The following NCAPD3 variants were observed in gnomAD, a reference collection of about 807,000 sequenced individuals.
NCAPD3 encodes condensin-2 complex subunit D3.
A neutral mutation model predicts 182.9 loss-of-function variants in NCAPD3; 105 were observed. The ratio of observed to expected loss-of-function variants is 0.57; its 90% CI spans 0.49 to 0.68. The LOEUF (loss-of-function observed/expected upper bound fraction) is 0.68, where lower values mean the gene tolerates loss of function less well. NCAPD3 is among the 30% of genes least tolerant of loss of function. NCAPD3 has a pLI of 0.00. For missense variants in NCAPD3, 1,944 were observed against 1,837.0 expected, an observed-to-expected ratio of 1.06 and a Z score of -1.07; for synonymous variants, 815 against 679.9, an observed-to-expected ratio of 1.20 and a Z score of -3.09.
chr11:134,214,460 G>C (rs1456660490), intron 3 of NCAPD3, among the ~76,000 whole-genome samples: 1 of 152,100 alleles, frequency 6.6e-6, no homozygotes, highest in Non-Finnish European at 1.5e-5. Context: ...TAGAAACAAA[G>C]AAATGCATGT....
chr11:134,206,496 C>G, intron 8 of NCAPD3, 103 bp downstream of exon 8: 1 of 1,479,900 alleles, frequency 6.8e-7, no homozygotes, highest in Non-Finnish European at 9.2e-7. Flanking sequence ...AAACCACCAT[C>G]AGGCCAGAAA....
chr11:134,171,547 T>C (rs1404807580), intron 24 of NCAPD3, among the ~76,000 whole-genome samples: 1 of 152,192 alleles, frequency 6.6e-6, no homozygotes, highest in Non-Finnish European at 1.5e-5. Flanking sequence ...ACAACACATC[T>C]ATCTCAGGTT....
intron 27 of NCAPD3, among the ~76,000 whole-genome samples, chr11:134,165,463 ATGAGATGAG>A (rs1943748542): frequency 7.3e-6 from 1 of 136,328 alleles, no homozygotes; most frequent in African/African-American, 2.8e-5. Context: ...TGGCACACTC[ATGAGATGAG>A]CTTGGGGGAG....
In NCAPD3 at chr11:134,203,675, T is replaced by C. The variant is rs550384689; in HGVS notation, c.1447A>G (p.Ile483Val). Reference sequence around the variant, plus strand: ...TCACTGTTAATCAGGAGCTCCAGGATACTCTCCGACGCACTGGTAACAGTC... The same window carrying C: ...TCACTGTTAATCAGGAGCTCCAGGACACTCTCCGACGCACTGGTAACAGTC... ...ELTVTSASES[I>V]LELLINSPTF... The change falls in exon 11 of 35, where the codon ATC becomes GTC. Residue 483 changes from isoleucine to valine, a missense_variant. Physicochemically the swap from Ile to Val is conservative, Grantham distance 29 (BLOSUM62 3). Around this residue, in one of 3 missense-constraint regions of NCAPD3, gnomAD observed 1,803 missense variants for 1,674.6 expected, o/e 1.08. Transcript: ENST00000534548. The C allele has an allele frequency of 2.5e-5, 40 of 1,613,466 alleles. No homozygotes were observed. The South Asian group carries it at 4.1e-4, about 16-fold the overall frequency.
intron 20 of NCAPD3, among the ~76,000 whole-genome samples, chr11:134,180,638 T>C (rs968216750): frequency 6.6e-6 from 1 of 152,244 alleles, no homozygotes; most frequent in Non-Finnish European, 1.5e-5. Context: ...CAGTCATTAC[T>C]TGGCAATTGC....
At chr11:134,167,171 G>A (rs1370155550) in intron 27 of NCAPD3, among the ~76,000 whole-genome samples, 1 of 135,388 alleles carries the variant, frequency 7.4e-6, no homozygotes, top group Non-Finnish European at 1.6e-5. Context: ...GGTGAGCTTG[G>A]GGGAGGCGCA....
intron 13 of NCAPD3, 48 bp downstream of exon 13, chr11:134,202,768 T>C (rs763568181): frequency 1.4e-6 from 2 of 1,400,478 alleles, no homozygotes; most frequent in South Asian, 1.3e-5. Flanking sequence ...TACGGTTGTC[T>C]GAAATCCAGC....
intron 1 of NCAPD3, among the ~76,000 whole-genome samples, chr11:134,222,914 C>T (rs1318065530): frequency 6.6e-6 from 1 of 152,214 alleles, no homozygotes; most frequent in Non-Finnish European, 1.5e-5. Context: ...TTTACAAAAA[C>T]CCCTGTGAGG....
intron 17 of NCAPD3, 66 bp downstream of exon 17, chr11:134,185,269 T>C: frequency 7.1e-7 from 1 of 1,407,236 alleles, no homozygotes; most frequent in Non-Finnish European, 9.5e-7. Context: ...GCTCACTTCC[T>C]TAAGTCTTGG....
rs1055280693 is a variant in NCAPD3 at position 134,204,064 on chromosome 11, T to C, written c.1197A>G (p.Lys399=). 6.2e-7 allele frequency: 1 copy of C among 1,614,134 alleles called. No homozygotes were observed. Among genetic ancestry groups the C allele is most frequent in the Admixed American group, 1.7e-5 (1 of 60,020 alleles). Residue 399 remains lysine (K), a synonymous_variant, in exon 10 of 35, where the codon AAA becomes AAG. Transcript: ENST00000534548. This position sits in a 1 kb window ranked among gnomAD's most constrained non-coding sequence, Gnocchi z 4.3. ...EYAMFIAWLY[K]YSRSSKIPHR... is the part of the protein sequence containing the mutation. ...CTCCTACCTTGGAACTTCGGGAGTA[T>C]TTGTAAAGCCAGGCAATGAACATAG...
chr11:134,162,954 A>T (rs1222033607), intron 27 of NCAPD3, among the ~76,000 whole-genome samples: 2 of 152,092 alleles, frequency 1.3e-5, no homozygotes, highest in Non-Finnish European at 2.9e-5. Flanking sequence ...GATCCTGAGG[A>T]TGTGTGGAGA....
intron 1 of NCAPD3, among the ~76,000 whole-genome samples, chr11:134,221,528 C>T (rs1241073052): frequency 6.6e-6 from 1 of 152,188 alleles, no homozygotes; most frequent in East Asian, 1.9e-4. Flanking sequence ...TCCCCTATCC[C>T]TCCATCCCCC....
At chr11:134,176,124 T>G (rs949077574) in intron 24 of NCAPD3, among the ~76,000 whole-genome samples, 183 bp downstream of exon 24, 5 of 152,130 alleles carry the variant, frequency 3.3e-5, no homozygotes, top group Non-Finnish European at 7.4e-5. Flanking sequence ...CTTTTAAACT[T>G]GTGTGCAAAA....
chr11:134,158,718 G>A (rs1009404960), intron 29 of NCAPD3, among the ~76,000 whole-genome samples: 2 of 152,040 alleles, frequency 1.3e-5, no homozygotes, highest in African/African-American at 4.8e-5. Context: ...GAAATATACA[G>A]TAAATTGTTA....
chr11:134,167,272 ACACT>A (rs1167521393), intron 27 of NCAPD3, among the ~76,000 whole-genome samples: 10 of 133,696 alleles, frequency 7.5e-5, no homozygotes, highest in Middle Eastern at 5.4e-3. Flanking sequence ...GGGGAGCAGC[ACACT>A]CACTTGTGAG....
rs541759027 is a variant in NCAPD3 at position 134,153,888 on chromosome 11, G to C, written c.4253-525C>G. 75 of 167,698 alleles carry C rather than the reference G, an allele frequency of 4.5e-4. No individual in the cohort carries two copies. In the South Asian group the frequency reaches 0.012, roughly 26 times the overall value. 10.4% of individuals were successfully genotyped at this position (167,698 alleles called of 1,614,324 possible). ...TCCAGTCGCCGCCTCATCCTGTCCCGTCGTGCCACACTGGGAGCGGCTCAG... is the reference window on the plus strand; with the variant it reads ...TCCAGTCGCCGCCTCATCCTGTCCCCTCGTGCCACACTGGGAGCGGCTCAG... On this transcript the variant is annotated intron_variant, in intron 32 of 34. Transcript: ENST00000534548.
chr11:134,176,061 G>A (rs1308697347), intron 24 of NCAPD3, among the ~76,000 whole-genome samples: 1 of 151,818 alleles, frequency 6.6e-6, no homozygotes, highest in Non-Finnish European at 1.5e-5. Flanking sequence ...AGCAAACACT[G>A]TCAGCAAGTG....
intron 28 of NCAPD3, among the ~76,000 whole-genome samples, chr11:134,161,376 T>C (rs577711427): frequency 6.6e-6 from 1 of 152,288 alleles, no homozygotes; most frequent in South Asian, 2.1e-4. Context: ...AGGGCAGTTA[T>C]TTCCTGACCT....
chr11:134,151,194 T>C lies in NCAPD3; in HGVS notation c.*1750A>G, dbSNP rs1233297028. On this transcript the variant is annotated 3_prime_UTR_variant, in exon 35 of 35. Transcript: ENST00000534548. ...GGGTTTTTTATACTTTGACAGCTTTTTTTTAATTGCATACATGAGACTGTG... is the reference window on the plus strand; with the variant it reads ...GGGTTTTTTATACTTTGACAGCTTTCTTTTAATTGCATACATGAGACTGTG... 1 of 152,276 alleles carries C rather than the reference T, an allele frequency of 6.6e-6. No homozygotes were observed. The highest frequency in any genetic ancestry group is 2.4e-5 in the African/African-American group (1 of 41,468). The allele number at this position is 152,276 out of a possible 1,614,324, so 9.4% of individuals were successfully genotyped here. A position where few individuals can be genotyped will look rare whatever the true frequency, so the allele number is the denominator to read the frequency against.
Sources: allele counts gnomAD v4.1 joint callset (sites outside exome capture counted in the v4.1 genomes callset), GRCh38; gene constraint gnomAD v4.1.1; regional missense constraint gnomAD v4.1.1; non-coding constraint Gnocchi (gnomAD v3.1); transcripts MANE v1.5; gene names NCBI Gene and HGNC (gene_info 2026-07-23, HGNC 2026-07-21).